Variants in SYNE1 observed in about 807,000 individuals in gnomAD.
SYNE1 encodes spectrin repeat containing nuclear envelope protein 1, also known as nesprin-1.
A neutral mutation model predicts 1,111.0 loss-of-function variants in SYNE1; 616 were observed. The observed-to-expected ratio is 0.55, with a 90% CI of 0.52 to 0.59. SYNE1 has a LOEUF of 0.59. SYNE1 is among the 20% of genes least tolerant of loss of function. SYNE1 has a pLI of 0.00. For synonymous variants in SYNE1, 3,855 were observed against 3,825.8 expected, an observed-to-expected ratio of 1.01 and a Z score of -0.28; for missense variants, 10,006 against 10,417.0, an observed-to-expected ratio of 0.96 and a Z score of 1.72.
intron 100 of SYNE1, among the ~76,000 whole-genome samples, chr6:152,265,747 G>A (rs1010143040): frequency 6.6e-6 from 1 of 152,052 alleles, no homozygotes; most frequent in African/African-American, 2.4e-5. Flanking sequence ...ATTTCCAGTT[G>A]TTTTTCCTTA....
intron 115 of SYNE1, among the ~76,000 whole-genome samples, chr6:152,228,308 G>A (rs2082047291): frequency 6.6e-6 from 1 of 152,164 alleles, no homozygotes; most frequent in Non-Finnish European, 1.5e-5. Context: ...ACCGGCATCA[G>A]TACAAAGTTC....
intron 3 of SYNE1, among the ~76,000 whole-genome samples, chr6:152,572,758 C>T (rs528638391): frequency 2.0e-5 from 3 of 152,142 alleles, no homozygotes; most frequent in African/African-American, 7.2e-5. Context: ...TGGTGTAATG[C>T]CAAAAGCTGT....
At chr6:152,627,875 T>C (rs1477137589) in intron 3 of SYNE1, among the ~76,000 whole-genome samples, 2 of 152,110 alleles carry the variant, frequency 1.3e-5, no homozygotes, top group Non-Finnish European at 2.9e-5. Context: ...TATTTGACAA[T>C]AGCATATAGC....
intron 3 of SYNE1, among the ~76,000 whole-genome samples, chr6:152,608,952 A>G (rs1334469443): frequency 1.4e-5 from 1 of 71,668 alleles, no homozygotes; most frequent in African/African-American, 6.3e-5. Context: ...AAAATAAAAA[A>G]AAATCAGAGT....
In SYNE1 at chr6:152,586,248, A is replaced by T. The variant is rs193127849; in HGVS notation, c.67+42017T>A. Among the ~76,000 whole-genome samples the T allele has an allele frequency of 1.9e-3, 292 of 152,300 alleles. 1 individual carries two copies. Among genetic ancestry groups the T allele is most frequent in the African/African-American group, 6.7e-3 (278 of 41,576 alleles). The stretch of plus-strand genomic sequence containing the variant: ...TTTCTAACAATTCAAATTTTTTAAA[A>T]GTCTTGCTCAAGAGTGCAATTTTAG... On this transcript the variant is annotated intron_variant, in intron 3 of 145. Transcript: ENST00000367255.
intron 58 of SYNE1, among the ~76,000 whole-genome samples, chr6:152,374,149 G>A (rs1207478005): frequency 2.0e-5 from 3 of 152,200 alleles, no homozygotes; most frequent in Admixed American, 6.5e-5. Context: ...ACAAGTCAAT[G>A]ACCTAGTGCC....
intron 49 of SYNE1, among the ~76,000 whole-genome samples, chr6:152,397,267 T>G (rs2097749046): frequency 6.6e-6 from 1 of 152,184 alleles, no homozygotes; most frequent in Non-Finnish European, 1.5e-5. Context: ...TGTCCCAACA[T>G]GGTCCAGGTC....
At chr6:152,554,351 C>T (rs993017090) in intron 3 of SYNE1, among the ~76,000 whole-genome samples, 2 of 151,912 alleles carry the variant, frequency 1.3e-5, no homozygotes, top group African/African-American at 4.8e-5. Context: ...CAGCCAAACA[C>T]TTGACCACCA....
chr6:152,211,407 GGA>G, intron 124 of SYNE1, 85 bp downstream of exon 124: 1 of 1,114,836 alleles, frequency 9.0e-7, no homozygotes, highest in Non-Finnish European at 1.4e-6. Flanking sequence ...CAGGAAGATT[GGA>G]TATATGCCCT....
intron 140 of SYNE1, among the ~76,000 whole-genome samples, chr6:152,137,542 T>G (rs1340806580): frequency 1.3e-5 from 2 of 152,220 alleles, no homozygotes; most frequent in Non-Finnish European, 2.9e-5. Flanking sequence ...GACTGATTTT[T>G]GGCTTTGTGC....
chr6:152,297,491 T>A (rs187875950), intron 93 of SYNE1, among the ~76,000 whole-genome samples: 33 of 152,332 alleles, frequency 2.2e-4, no homozygotes, highest in African/African-American at 7.7e-4. Flanking sequence ...CTAAGGGCTG[T>A]CTGGGTCACT....
At position 152,230,603 on chromosome 6, in the gene SYNE1, G is replaced by T. The variant is rs1465757733; in HGVS notation, c.21139C>A (p.Gln7047Lys). 1 of 1,614,014 alleles carries T rather than the reference G, an allele frequency of 6.2e-7. No homozygotes were observed. The highest frequency in any genetic ancestry group is 2.2e-5 in the East Asian group (1 of 44,854). Residue 7047 changes from glutamine to lysine, a missense_variant, in exon 115 of 146, where the codon CAA (glutamine) becomes AAA (lysine). Physicochemically the swap from Gln to Lys is moderately conservative, Grantham distance 53 (BLOSUM62 1). Around this residue, in one of 7 missense-constraint regions of SYNE1, gnomAD observed 2,182 missense variants for 2,287.8 expected, o/e 0.95. Coordinates refer to ENST00000367255, the MANE Select transcript of SYNE1 (RefSeq NM_182961.4). ...GCCTGATCTCCAATTCGATGCTGTT[G>T]TTTTAGTCTCTTTTCCTGGGTTTCA... ...WFETQEKRLKQQHRIGDQASV... is the reference protein window; with the variant it reads ...WFETQEKRLKKQHRIGDQASV...
intron 10 of SYNE1, among the ~76,000 whole-genome samples, chr6:152,499,342 G>A (rs187885697): frequency 6.6e-6 from 1 of 152,020 alleles, no homozygotes; most frequent in Non-Finnish European, 1.5e-5. Context: ...AAGGGGAAAA[G>A]TTCATCAGTT....
At chr6:152,343,944 A>T in intron 74 of SYNE1, 137 bp downstream of exon 74, 1 of 1,245,844 alleles carries the variant, frequency 8.0e-7, no homozygotes, top group Non-Finnish European at 1.1e-6. Flanking sequence ...ACTCCACTAG[A>T]GCCAACCTCA....
chr6:152,611,694 A>G lies in SYNE1; in HGVS notation c.67+16571T>C, dbSNP rs567851736. On this transcript the variant is annotated intron_variant, in intron 3 of 145. Coordinates refer to ENST00000367255, the MANE Select transcript of SYNE1 (RefSeq NM_182961.4). Reference sequence around the variant, plus strand: ...TCCACCCCAAATCAACAGAATATACATTCTTCTCAGCACTACATAGCACTT... The same window carrying G: ...TCCACCCCAAATCAACAGAATATACGTTCTTCTCAGCACTACATAGCACTT... 1.7e-4 allele frequency among the ~76,000 whole-genome samples: 26 copies of G among 152,322 alleles called. 1 individual carries two copies. In the South Asian group the frequency reaches 5.2e-3, roughly 30 times the overall value.
chr6:152,330,965 C>A lies in SYNE1; in HGVS notation c.13720G>T (p.Ala4574Ser). 6.2e-7 allele frequency: 1 copy of A among 1,614,160 alleles called. No homozygotes were observed. Among genetic ancestry groups the A allele is most frequent in the Non-Finnish European group, 8.5e-7 (1 of 1,180,030 alleles). ...TCTGCTTGTTTTAGCCAGTGGCAAG[C>A]TTTATCAAAATCTTCCTTAAAATGC... ...RKHFKEDFDK[A>S]CHWLKQADIV... Residue 4574 changes from alanine to serine, a missense_variant, in exon 78 of 146, where the codon GCT (alanine) becomes TCT (serine). This residue lies in a region of SYNE1 where 4,955 missense variants were observed against 5,017.2 expected (regional missense o/e 0.99). Transcript: ENST00000367255.
chr6:152,340,219 A>G (rs1188763792), intron 74 of SYNE1, among the ~76,000 whole-genome samples: 2 of 152,188 alleles, frequency 1.3e-5, no homozygotes, highest in African/African-American at 4.8e-5. Flanking sequence ...CATTCCAGGC[A>G]GGTGGATGTG....
intron 59 of SYNE1, among the ~76,000 whole-genome samples, chr6:152,371,026 C>A (rs1241482169): frequency 1.3e-5 from 2 of 152,080 alleles, no homozygotes; most frequent in Non-Finnish European, 2.9e-5. Context: ...CTGCTATAGC[C>A]CCAGAGCCTA....
At chr6:152,319,366 CTCT>C (rs1454934848) in intron 84 of SYNE1, among the ~76,000 whole-genome samples, 1 of 152,204 alleles carries the variant, frequency 6.6e-6, no homozygotes, top group Non-Finnish European at 1.5e-5. Flanking sequence ...ACACAAACTC[CTCT>C]AAGCCTTTTT....
Sources: gnomAD v4.1 joint callset for allele counts (sites outside exome capture counted in the v4.1 genomes callset) on GRCh38, gnomAD v4.1.1 for gene constraint, gnomAD v4.1.1 regional missense constraint, MANE v1.5 for transcripts, NCBI Gene and HGNC (gene_info 2026-07-23, HGNC 2026-07-21) for gene names.